Variants in DIAPH2 observed in about 807,000 individuals in gnomAD.
DIAPH2 encodes diaphanous related formin 2.
A neutral mutation model predicts 92.7 loss-of-function variants in DIAPH2; 35 were observed. The observed-to-expected ratio is 0.38, with a 90% confidence interval of 0.29 to 0.50. The LOEUF (loss-of-function observed/expected upper bound fraction) is 0.50. Among genes scored for constraint, DIAPH2 ranks in the 20% least tolerant of loss-of-function variants. The pLI, the probability that DIAPH2 is intolerant of heterozygous loss-of-function variation, is 0.94. For synonymous variants in DIAPH2, 301 were observed against 280.4 expected (o/e 1.07, Z -0.73); for missense variants, 701 against 819.5 (o/e 0.86, Z 1.77).
intron 26 of DIAPH2, among the ~76,000 whole-genome samples, chrX:97,458,194 G>GA (rs1400779418): frequency 9.0e-6 from 1 of 110,973 alleles, no homozygotes; most frequent in Non-Finnish European, 1.9e-5. Context: ...GGATAATTGG[G>GA]GGGATTCATC....
At chrX:97,320,999 G>T (rs1391187502) in intron 23 of DIAPH2, among the ~76,000 whole-genome samples, 1 of 111,597 alleles carries the variant, frequency 9.0e-6, no homozygotes, top group Non-Finnish European at 1.9e-5. Flanking sequence ...GTCCACTATG[G>T]TTGTCAGTTA....
At chrX:97,349,149 C>T (rs1333171049) in intron 24 of DIAPH2, among the ~76,000 whole-genome samples, 2 of 103,883 alleles carry the variant, frequency 1.9e-5, no homozygotes, top group South Asian at 4.4e-4. Context: ...AGTGCAATGG[C>T]GTGATCTCGG....
intron 26 of DIAPH2, among the ~76,000 whole-genome samples, chrX:97,471,263 C>T (rs2070559517): frequency 9.0e-6 from 1 of 111,560 alleles, no homozygotes; most frequent in African/African-American, 3.3e-5. Context: ...ACATGCTACC[C>T]ACAATAACCA....
At chrX:96,859,380 C>G (rs1169575424) in intron 4 of DIAPH2, among the ~76,000 whole-genome samples, 1 of 109,080 alleles carries the variant, frequency 9.2e-6, no homozygotes, top group Non-Finnish European at 1.9e-5. Flanking sequence ...TAAATAAAAA[C>G]AGGAATTTTA....
intron 1 of DIAPH2, among the ~76,000 whole-genome samples, chrX:96,726,288 G>A (rs1168859564): frequency 9.0e-6 from 1 of 111,562 alleles, no homozygotes; most frequent in East Asian, 2.8e-4. Context: ...ACAGGTTTGA[G>A]TACTTACTAT....
chrX:97,394,325 T>C (rs945528128), intron 25 of DIAPH2, among the ~76,000 whole-genome samples: 9 of 111,688 alleles, frequency 8.1e-5, no homozygotes, highest in Non-Finnish European at 1.5e-4. Context: ...TAAAACAAGT[T>C]TGTATGCTTG....
At chrX:96,995,685 T>C (rs2066100299) in intron 17 of DIAPH2, among the ~76,000 whole-genome samples, 1 of 111,374 alleles carries the variant, frequency 9.0e-6, no homozygotes, top group Admixed American at 9.5e-5. Context: ...TAAAGATTAA[T>C]TATTTGAATA....
intron 4 of DIAPH2, among the ~76,000 whole-genome samples, chrX:96,864,433 T>G (rs942714713): frequency 9.0e-6 from 1 of 111,697 alleles, no homozygotes; most frequent in African/African-American, 3.2e-5. Flanking sequence ...TGTAGTTTCT[T>G]TAACAGAATA....
At chrX:97,478,053 G>A (rs1237272190) in intron 26 of DIAPH2, among the ~76,000 whole-genome samples, 1 of 111,859 alleles carries the variant, frequency 8.9e-6, no homozygotes, top group Non-Finnish European at 1.9e-5. Flanking sequence ...AAGTGGAAGA[G>A]TGACTCTTCT....
chrX:97,249,505 CAAA>C (rs1433204408), intron 23 of DIAPH2, among the ~76,000 whole-genome samples: 2 of 111,001 alleles, frequency 1.8e-5, no homozygotes, highest in Non-Finnish European at 3.8e-5. Context: ...TTTAAAGAAA[CAAA>C]ATAAAATACA....
chrX:97,061,686 C>T (rs1025229698), intron 17 of DIAPH2, among the ~76,000 whole-genome samples: 8 of 108,413 alleles, frequency 7.4e-5, no homozygotes, highest in East Asian at 2.9e-4. Context: ...TGGTGGAGCA[C>T]GCCTGTAATC....
intron 19 of DIAPH2, among the ~76,000 whole-genome samples, chrX:97,080,087 A>G (rs2066731084): frequency 9.1e-6 from 1 of 110,018 alleles, no homozygotes; most frequent in South Asian, 3.9e-4. Flanking sequence ...TGTCCTATCT[A>G]TTGTTCTTCT....
At chrX:97,589,619 G>C (rs2071503932) in intron 26 of DIAPH2, among the ~76,000 whole-genome samples, 1 of 111,106 alleles carries the variant, frequency 9.0e-6, no homozygotes, top group Admixed American at 9.6e-5. Context: ...ATATTCATTA[G>C]TATAAACAAT....
chrX:97,376,660 G>C (rs1355838322), intron 24 of DIAPH2, among the ~76,000 whole-genome samples: 1 of 111,932 alleles, frequency 8.9e-6, no homozygotes, highest in African/African-American at 3.2e-5. Flanking sequence ...TCATTAAATC[G>C]CAAACCAACA....
At chrX:97,086,243 CTT>C (rs2066782019) in intron 19 of DIAPH2, among the ~76,000 whole-genome samples, 1 of 111,566 alleles carries the variant, frequency 9.0e-6, no homozygotes, top group Non-Finnish European at 1.9e-5. Flanking sequence ...AGAAGGAAAT[CTT>C]TGAACCTGCA....
At chrX:96,922,390 C>T (rs1029043721) in intron 9 of DIAPH2, among the ~76,000 whole-genome samples, 4 of 110,364 alleles carry the variant, frequency 3.6e-5, no homozygotes, top group Non-Finnish European at 7.6e-5. Context: ...CTTTTTTGTC[C>T]CCTGCATTCA....
intron 15 of DIAPH2, among the ~76,000 whole-genome samples, chrX:96,949,384 T>C (rs1002719717): frequency 3.6e-5 from 4 of 110,800 alleles, no homozygotes; most frequent in African/African-American, 1.3e-4. Context: ...ATTGTAATTA[T>C]CCCAAAAGCT....
intron 5 of DIAPH2, among the ~76,000 whole-genome samples, chrX:96,901,192 G>A (rs1247586192): frequency 9.1e-6 from 1 of 110,292 alleles, no homozygotes; most frequent in Non-Finnish European, 1.9e-5. Context: ...AATCTAGGAG[G>A]GCTGTATGTT....
chrX:97,449,704 G>A (rs992769111), intron 26 of DIAPH2: 6 of 739,224 alleles, frequency 8.1e-6, no homozygotes, highest in Non-Finnish European at 9.6e-6. Context: ...GACAAGCAAG[G>A]AGTGAGAGCT....
Sources: allele counts gnomAD v4.1 joint callset (sites outside exome capture counted in the v4.1 genomes callset), GRCh38; gene constraint gnomAD v4.1.1; transcripts MANE v1.5; gene names NCBI Gene and HGNC (gene_info 2026-07-23, HGNC 2026-07-21).